PHC3: variants seen among roughly 807,000 people sequenced by gnomAD.
The protein encoded by PHC3 is polyhomeotic homolog 3, also known as polyhomeotic-like protein 3.
In PHC3, 13 loss-of-function variants were observed where a neutral mutation model predicts 107.4. The ratio of observed to expected loss-of-function variants is 0.12; its 90% CI spans 0.08 to 0.19. The LOEUF (loss-of-function observed/expected upper bound fraction) is 0.19, where lower values mean the gene tolerates loss of function less well. Ranked by LOEUF, PHC3 falls within the 10% of genes least tolerant of loss-of-function variation. The pLI, the probability that PHC3 is intolerant of heterozygous loss-of-function variation, is 1.00. For synonymous variants in PHC3, 456 were observed against 427.4 expected (o/e 1.07, Z -0.83); for missense variants, 992 against 1,210.9 (o/e 0.82, Z 2.68).
At chr3:170,140,978 G>A (rs919751797) in intron 6 of PHC3, among the ~76,000 whole-genome samples, 6 of 152,016 alleles carry the variant, frequency 3.9e-5, no homozygotes, top group African/African-American at 1.4e-4. Flanking sequence ...GAGAAGGAAT[G>A]GAGCATTTAA....
At chr3:170,178,214 GCTCACTGCAAGCTC>G (rs1730822095) in intron 2 of PHC3, among the ~76,000 whole-genome samples, 1 of 146,370 alleles carries the variant, frequency 6.8e-6, no homozygotes, top group Non-Finnish European at 1.5e-5. Context: ...CGCGATCTCC[GCTCACTGCAAGCTC>G]CGCCTTCCGG....
rs1347721436 is a variant in PHC3, at chr3:170,094,998, C to G, written c.*2232G>C. On this transcript the variant is annotated 3_prime_UTR_variant, in exon 15 of 15. Transcript: ENST00000495893. ...ATCATTATTGCTGGAGCAGTCTATC[C>G]CCATATAATAAATTTTGTATTAACC... is the stretch of plus-strand genomic sequence containing the variant. 6.6e-6 allele frequency: 1 copy of G among 152,044 alleles called. No homozygotes were observed. The highest frequency in any genetic ancestry group is 2.4e-5 in the African/African-American group (1 of 41,396). The allele number at this position is 152,044 out of a possible 1,614,324, so 9.4% of individuals were successfully genotyped here.
chr3:170,136,566 A>G lies in PHC3; in HGVS notation c.772T>C (p.Cys258Arg). 1 of 1,613,638 alleles carries G rather than the reference A, an allele frequency of 6.2e-7. No individual in the cohort carries two copies. Among genetic ancestry groups the G allele is most frequent in the Non-Finnish European group, 8.5e-7 (1 of 1,179,792 alleles). Residue 258 changes from cysteine (C) to arginine (R), a missense_variant, in exon 7 of 15, where the codon TGT becomes CGT. Physicochemically the swap from Cys to Arg is radical, Grantham distance 180. Coordinates refer to ENST00000495893, the MANE Select transcript of PHC3 (RefSeq NM_024947.4). ...STSQTQSLTI[C>R]HNKTTVTSSK... ...CTGGTCACTGTTGTTTTGTTATGACAAATTGTCAATGACTGAGTTTGACTA... is the reference window on the plus strand; with the variant it reads ...CTGGTCACTGTTGTTTTGTTATGACGAATTGTCAATGACTGAGTTTGACTA...
intron 1 of PHC3, among the ~76,000 whole-genome samples, chr3:170,179,555 A>C (rs1259465657): frequency 6.6e-6 from 1 of 152,340 alleles, no homozygotes. Flanking sequence ...TTATTAGCAG[A>C]TTGCTGTGAG....
At chr3:170,123,558 G>A (rs1483370013) in intron 8 of PHC3, among the ~76,000 whole-genome samples, 6 of 152,092 alleles carry the variant, frequency 3.9e-5, no homozygotes, top group African/African-American at 9.7e-5. Context: ...GGAGGCTGAG[G>A]TGGGTGGATC....
intron 9 of PHC3, among the ~76,000 whole-genome samples, chr3:170,121,296 A>G (rs1720243726): frequency 6.6e-6 from 1 of 152,130 alleles, no homozygotes; most frequent in Non-Finnish European, 1.5e-5. Context: ...CAACATAGTG[A>G]GACCCTATCT....
chr3:170,122,596 A>G lies in PHC3; in HGVS notation c.1937T>C (p.Leu646Ser), dbSNP rs773442059. The G allele has an allele frequency of 6.8e-6, 11 of 1,613,846 alleles. No homozygotes were observed. The highest frequency in any genetic ancestry group is 8.5e-6 in the Non-Finnish European group (10 of 1,179,860). Residue 646 changes from leucine (L) to serine (S), a missense_variant, in exon 9 of 15, where the codon TTG becomes TCG. Around this residue, in one of 6 missense-constraint regions of PHC3, gnomAD observed 543 missense variants for 590.8 expected, o/e 0.92. Coordinates refer to ENST00000495893, the MANE Select transcript of PHC3 (RefSeq NM_024947.4). ...RGEDLTSEHP[L>S]LEQVELPAVA... ...AAATTTTGGTATTTTCTCACCTAAC[A>G]AAGGATGTTCAGAAGTCAAATCTTC...
intron 10 of PHC3, among the ~76,000 whole-genome samples, chr3:170,115,204 CAAT>C (rs1361796795): frequency 6.6e-6 from 1 of 151,820 alleles, no homozygotes. Context: ...TAATGTCCAA[CAAT>C]AATGGAAAGA....
intron 11 of PHC3, among the ~76,000 whole-genome samples, chr3:170,107,658 T>C (rs1716828125): frequency 6.7e-6 from 1 of 149,444 alleles, no homozygotes; most frequent in South Asian, 2.1e-4. Flanking sequence ...TTTAGTTATA[T>C]TGCATTAAAA....
intron 8 of PHC3, among the ~76,000 whole-genome samples, chr3:170,125,529 A>T (rs1370663767): frequency 6.6e-6 from 1 of 152,242 alleles, no homozygotes; most frequent in Non-Finnish European, 1.5e-5. Context: ...ATGCAGTTAC[A>T]TGTTATTCAA....
intron 6 of PHC3, among the ~76,000 whole-genome samples, chr3:170,138,638 T>C (rs1006845837): frequency 3.5e-4 from 48 of 138,052 alleles, no homozygotes; most frequent in Non-Finnish European, 6.3e-4. Context: ...TGCAGTGAGC[T>C]GAGATCACAC....
intron 14 of PHC3, among the ~76,000 whole-genome samples, chr3:170,099,002 A>G (rs1715026982): frequency 6.6e-6 from 1 of 152,196 alleles, no homozygotes; most frequent in Non-Finnish European, 1.5e-5. Flanking sequence ...TCTTTTTATG[A>G]AAGAACTAAT....
At position 170,092,831 on chromosome 3, in the gene PHC3, A is replaced by G. The variant is rs1714243292; in HGVS notation, c.*4399T>C. 1.3e-5 allele frequency: 2 copies of G among 152,346 alleles called. No individual in the cohort carries two copies. Among genetic ancestry groups the G allele is most frequent in the East Asian group, 1.9e-4 (1 of 5,190 alleles). The allele number at this position is 152,346 out of a possible 1,614,324, so 9.4% of individuals were successfully genotyped here. A position where few individuals can be genotyped will look rare whatever the true frequency, so the allele number is the denominator to read the frequency against. On this transcript the variant is annotated 3_prime_UTR_variant, in exon 15 of 15. Transcript: ENST00000495893. ...GGAACTATTAATATCCATGCTCCCA[A>G]GCATGGAGACAGTGGGTATAGAGAG...
intron 11 of PHC3, among the ~76,000 whole-genome samples, chr3:170,111,592 C>T (rs768287814): frequency 3.3e-5 from 5 of 152,096 alleles, no homozygotes; most frequent in African/African-American, 9.7e-5. Context: ...ATTTATTATA[C>T]GATTCTAATG....
Position 170,129,561 on chromosome 3 carries a change from GAA to G in PHC3, c.920-11_920-10del. 1 of 1,591,260 alleles carries G rather than the reference GAA, an allele frequency of 6.3e-7. No individual in the cohort carries two copies. Among genetic ancestry groups the G allele is most frequent in the Non-Finnish European group, 8.5e-7 (1 of 1,170,566 alleles). On this transcript the variant is annotated splice_polypyrimidine_tract_variant and intron_variant, in intron 7 of 14. Coordinates refer to ENST00000495893, the MANE Select transcript of PHC3 (RefSeq NM_024947.4). ...AATTGGAGAATATGAAGCTGTGAGA[GAA>G]AAAAATGACAATTAGTACTGATTTC...
At chr3:170,128,620 T>C in intron 8 of PHC3, 64 bp downstream of exon 8, 1 of 1,524,320 alleles carries the variant, frequency 6.6e-7, no homozygotes, top group South Asian at 1.3e-5. Flanking sequence ...TAAAACATAG[T>C]GTGGGAAAAA....
At chr3:170,103,486 C>CTA (rs1456867481) in intron 12 of PHC3, among the ~76,000 whole-genome samples, 1 of 152,170 alleles carries the variant, frequency 6.6e-6, no homozygotes, top group East Asian at 1.9e-4. Context: ...ATTGCTCTCA[C>CTA]TATTCAGAAA....
chr3:170,118,791 ACT>A (rs1343908521), intron 9 of PHC3, among the ~76,000 whole-genome samples: 1 of 149,996 alleles, frequency 6.7e-6, no homozygotes, highest in Non-Finnish European at 1.5e-5. Context: ...GAATTCCTAG[ACT>A]CAAGTGATCC....
At chr3:170,172,125 C>T (rs538576854) in intron 3 of PHC3, among the ~76,000 whole-genome samples, 52 of 152,058 alleles carry the variant, frequency 3.4e-4, no homozygotes, top group African/African-American at 1.2e-3. Context: ...CTTTGAAGAA[C>T]GGGAAACAGT....
Sources: allele counts gnomAD v4.1 joint callset (sites outside exome capture counted in the v4.1 genomes callset), GRCh38; gene constraint gnomAD v4.1.1; regional missense constraint gnomAD v4.1.1; transcripts MANE v1.5; gene names NCBI Gene and HGNC (gene_info 2026-07-23, HGNC 2026-07-21).